The following ANKRD23 variants were observed in gnomAD, a reference collection of about 807,000 sequenced individuals.
The protein encoded by ANKRD23 is ankyrin repeat domain 23, also known as ankyrin repeat domain-containing protein 23.
ANKRD23 carries 52 observed loss-of-function variants against 38.1 expected under a neutral mutation model. That is an observed-to-expected ratio of 1.36 (90% CI 1.09 to 1.72). The LOEUF (loss-of-function observed/expected upper bound fraction) is 1.72, where lower values mean the gene tolerates loss of function less well. Ranked by LOEUF, ANKRD23 falls within the 40% of genes most tolerant of loss-of-function variation. The probability of loss-of-function intolerance (pLI) is 0.00; values close to 1 mark genes in which losing one functional copy is unlikely to be tolerated. For synonymous variants in ANKRD23, 167 were observed against 162.9 expected, an observed-to-expected ratio of 1.03 and a Z score of -0.19; for missense variants, 416 against 400.2, an observed-to-expected ratio of 1.04 and a Z score of -0.34.
chr2:96,840,327 C>CCAGCTGCAAAACAAAAGCACCCAAGCACT lies in ANKRD23; in HGVS notation c.526-26_528dup (p.Asp177SerfsTer70). ...CAGGCCCAGAACACAGGTGTCCTGT[C>CCAGCTGCAAAACAAAAGCACCCAAGCACT]CAGCTGCAAAACAAAAGCACCCAAG... On this transcript the variant is annotated frameshift_variant, in exon 6 of 9. Transcript: ENST00000318357. LOFTEE classifies it high-confidence loss of function. 6.2e-7 allele frequency: 1 copy of CCAGCTGCAAAACAAAAGCACCCAAGCACT among 1,606,466 alleles called. No individual in the cohort carries two copies. The highest frequency in any genetic ancestry group is 8.5e-7 in the Non-Finnish European group (1 of 1,176,000).
rs1425342505 is a variant in ANKRD23, at chr2:96,839,556, C to T, written c.911G>A (p.Arg304Gln). Residue 304 changes from arginine (R) to glutamine (Q), a missense_variant, in exon 9 of 9, where the codon CGG becomes CAG. By Grantham distance (43) the Arg-to-Gln change is conservative (BLOSUM62 1). Coordinates refer to ENST00000318357, the MANE Select transcript of ANKRD23 (RefSeq NM_144994.8). Reference sequence around the variant, plus strand: ...CGGGGGGCGGTGCTGCGGTCAGCACCGGGTGCGGGGATGCGCCACGTGGGC... The same window carrying T: ...CGGGGGGCGGTGCTGCGGTCAGCACTGGGTGCGGGGATGCGCCACGTGGGC... ...LQAHVAHPRT[R>Q]C 1 of 1,455,942 alleles carries T rather than the reference C, an allele frequency of 6.9e-7. No individual in the cohort carries two copies. The highest frequency in any genetic ancestry group is 2.5e-5 in the East Asian group (1 of 40,674). The allele number at this position is 1,455,942 out of a possible 1,614,324, so 90.2% of individuals were successfully genotyped here.
rs766760232 is a variant in ANKRD23 at position 96,839,618 on chromosome 2, A to T, written c.849T>A (p.Ala283=). 6.7e-7 allele frequency: 1 copy of T among 1,499,346 alleles called. No individual in the cohort carries two copies. The highest frequency in any genetic ancestry group is 8.9e-7 in the Non-Finnish European group (1 of 1,123,806). 92.9% of individuals were successfully genotyped at this position (1,499,346 alleles called of 1,614,324 possible). A position where few individuals can be genotyped will look rare whatever the true frequency, so the allele number is the denominator to read the frequency against. ...CCCGGATGCCGCGCTGCCAGTCTCG[A>T]GCCAGCTGCACCGGGGTCACGGAGG... The part of the protein sequence containing the change: ...NAASVTPVQL[A]RDWQRGIREA... Residue 283 remains alanine, a synonymous_variant, in exon 9 of 9, where the codon GCT becomes GCA. Transcript: ENST00000318357.
intron 3 of ANKRD23, among the ~76,000 whole-genome samples, chr2:96,841,564 T>A (rs1186402069): frequency 2.4e-5 from 3 of 126,558 alleles, no homozygotes; most frequent in Admixed American, 1.0e-4. Flanking sequence ...GTGCCACTGC[T>A]CTCCAGCCTG....
At chr2:96,843,163 G>A (rs773193077) in intron 1 of ANKRD23, among the ~76,000 whole-genome samples, 7 of 152,158 alleles carry the variant, frequency 4.6e-5, no homozygotes, top group Non-Finnish European at 1.0e-4. Flanking sequence ...AGCCTGTTGT[G>A]GGGAAAGAAC....
Position 96,838,496 on chromosome 2 carries a change from C to A in ANKRD23, c.*1053G>T. On this transcript the variant is annotated 3_prime_UTR_variant, in exon 9 of 9. Coordinates refer to ENST00000318357, the MANE Select transcript of ANKRD23 (RefSeq NM_144994.8). ...GAAGGGCTGGGGGGCGGCGGGGGCT[C>A]ACCTTCCTCTGCTTCCCTGTGGGCT... The A allele has an allele frequency of 1.0e-6, 1 of 986,246 alleles. No individual in the cohort carries two copies. Among genetic ancestry groups the A allele is most frequent in the Non-Finnish European group, 1.2e-6 (1 of 830,208 alleles). The allele number at this position is 986,246 out of a possible 1,614,324, so 61.1% of individuals were successfully genotyped here. A position where few individuals can be genotyped will look rare whatever the true frequency, so the allele number is the denominator to read the frequency against.
rs369796952 is a variant in ANKRD23 at position 96,839,861 on chromosome 2, G to A, written c.724-36C>T. 1.5e-3 allele frequency: 2,326 copies of A among 1,590,774 alleles called. 7 individuals carry two copies. The highest frequency in any genetic ancestry group is 1.8e-3 in the South Asian group (155 of 88,180). On this transcript the variant is annotated intron_variant, in intron 7 of 8. Transcript: ENST00000318357. ...CGCAGGCAGTCAAGCTTCTGCCTCC[G>A]CGTGCTGCCCTCCTCATGCAGGAAG... is the stretch of plus-strand genomic sequence containing the variant.
In ANKRD23 at chr2:96,838,367, A is replaced by G. The variant is rs540556085; in HGVS notation, c.*1182T>C. ...TGGCGTTTAGGGGCCCAGCCCCACC[A>G]GCAGTACAGGCCTACACCAGTGTAA... On this transcript the variant is annotated 3_prime_UTR_variant, in exon 9 of 9. Transcript: ENST00000318357. 77 of 988,170 alleles carry G rather than the reference A, an allele frequency of 7.8e-5. No homozygotes were observed. Among genetic ancestry groups the G allele is most frequent in the Non-Finnish European group, 6.0e-6 (5 of 830,192 alleles). The allele number at this position is 988,170 out of a possible 1,614,324, so 61.2% of individuals were successfully genotyped here.
chr2:96,840,175 A>G, intron 6 of ANKRD23, 57 bp downstream of exon 6: 1 of 1,570,280 alleles, frequency 6.4e-7, no homozygotes, highest in Non-Finnish European at 8.6e-7. Context: ...TCTCTTCTCC[A>G]GGAACAGCGT....
chr2:96,842,197 GACAAGACCATGCCAGCCATC>G lies in ANKRD23; in HGVS notation c.175-32_175-13del. The G allele has an allele frequency of 6.2e-7, 1 of 1,613,966 alleles. No individual in the cohort carries two copies. The highest frequency in any genetic ancestry group is 8.5e-7 in the Non-Finnish European group (1 of 1,180,034). ...TTAAATCTTTCAAGCTGGGGCAGAAGACAAGACCATGCCAGCCATCAGCCGCTGGTCAAGAGATCTCTCTG... is the reference window on the plus strand; with the variant it reads ...TTAAATCTTTCAAGCTGGGGCAGAAGAGCCGCTGGTCAAGAGATCTCTCTG... On this transcript the variant is annotated splice_polypyrimidine_tract_variant and intron_variant, in intron 2 of 8. Transcript: ENST00000318357.
At chr2:96,840,720 G>A in intron 4 of ANKRD23, 67 bp downstream of exon 4, 1 of 1,603,428 alleles carries the variant, frequency 6.2e-7, no homozygotes, top group East Asian at 2.2e-5. Flanking sequence ...GCCAGGACTT[G>A]AACACACTGA....
Position 96,839,118 on chromosome 2 carries a change from C to G in ANKRD23, c.*431G>C. On this transcript the variant is annotated 3_prime_UTR_variant, in exon 9 of 9. Coordinates refer to ENST00000318357, the MANE Select transcript of ANKRD23 (RefSeq NM_144994.8). ...ATCTGCCGGCCACGGGCTGAGTCCC[C>G]ACACACACAGACTGGCCCTGGAGAG... The G allele has an allele frequency of 1.0e-6, 1 of 993,908 alleles. No individual in the cohort carries two copies. Among genetic ancestry groups the G allele is most frequent in the Non-Finnish European group, 1.2e-6 (1 of 836,384 alleles). 61.6% of individuals were successfully genotyped at this position (993,908 alleles called of 1,614,324 possible). A position where few individuals can be genotyped will look rare whatever the true frequency, so the allele number is the denominator to read the frequency against.
In ANKRD23 at chr2:96,838,486, G is replaced by A. The variant is rs1317037794; in HGVS notation, c.*1063C>T. 1.4e-5 allele frequency: 14 copies of A among 986,196 alleles called. No homozygotes were observed. Among genetic ancestry groups the A allele is most frequent in the Admixed American group, 6.1e-5 (1 of 16,270 alleles). The allele number at this position is 986,196 out of a possible 1,614,324, so 61.1% of individuals were successfully genotyped here. On this transcript the variant is annotated 3_prime_UTR_variant, in exon 9 of 9. Transcript: ENST00000318357. ...GAAGGGATGGGAAGGGCTGGGGGGC[G>A]GCGGGGGCTCACCTTCCTCTGCTTC...
chr2:96,842,599 T>C lies in ANKRD23; in HGVS notation c.28-88A>G, dbSNP rs1008247501. 3.3e-5 allele frequency: 48 copies of C among 1,474,198 alleles called. 1 individual carries two copies. Among genetic ancestry groups the C allele is most frequent in the South Asian group, 5.5e-5 (4 of 73,300 alleles). 91.3% of individuals were successfully genotyped at this position (1,474,198 alleles called of 1,614,324 possible). A position where few individuals can be genotyped will look rare whatever the true frequency, so the allele number is the denominator to read the frequency against. ...TGTGGAGTAGCAGGGAGCTGTCTTA[T>C]AAGGGCAGATGTCACAAGGCTGGTG... On this transcript the variant is annotated intron_variant, in intron 1 of 8. Transcript: ENST00000318357.
At position 96,840,216 on chromosome 2, in the gene ANKRD23, G is replaced by A. The variant is rs748395148; in HGVS notation, c.624+16C>T. The A allele has an allele frequency of 8.1e-6, 13 of 1,604,974 alleles. No individual in the cohort carries two copies. The East Asian group carries it at 2.5e-4, about 30-fold the overall frequency. On this transcript the variant is annotated intron_variant, in intron 6 of 8. Coordinates refer to ENST00000318357, the MANE Select transcript of ANKRD23 (RefSeq NM_144994.8). ...CCCGTGTTCCCGACAGGCCCCCAAA[G>A]CACCGTGCCCCTCACCTTGTCCCGG...
In ANKRD23 at chr2:96,838,910, C is replaced by T; in HGVS notation, c.*639G>A. 1 of 985,556 alleles carries T rather than the reference C, an allele frequency of 1.0e-6. No homozygotes were observed. Among genetic ancestry groups the T allele is most frequent in the Non-Finnish European group, 1.2e-6 (1 of 830,028 alleles). 61.1% of individuals were successfully genotyped at this position (985,556 alleles called of 1,614,324 possible). A position where few individuals can be genotyped will look rare whatever the true frequency, so the allele number is the denominator to read the frequency against. Reference sequence around the variant, plus strand: ...CTGTTGAGTAGCCACCTCAGATGACCAGAACCCACCTCCAGAGTTCCTATG... The same window carrying T: ...CTGTTGAGTAGCCACCTCAGATGACTAGAACCCACCTCCAGAGTTCCTATG... On this transcript the variant is annotated 3_prime_UTR_variant, in exon 9 of 9. Coordinates refer to ENST00000318357, the MANE Select transcript of ANKRD23 (RefSeq NM_144994.8).
chr2:96,842,061 T>C lies in ANKRD23; in HGVS notation c.299A>G (p.Lys100Arg), dbSNP rs551667739. 1.4e-5 allele frequency: 22 copies of C among 1,613,972 alleles called. No individual in the cohort carries two copies. In the South Asian group the frequency reaches 2.2e-4, roughly 16 times the overall value. ...VPPRKPEPLV[K>R]PQSQAQVEPV... ...CCCTAACCCCGACCTCCCACTCACCTTAACCAGGGGCTCAGGTTTCCTGGG... is the reference window on the plus strand; with the variant it reads ...CCCTAACCCCGACCTCCCACTCACCCTAACCAGGGGCTCAGGTTTCCTGGG... Residue 100 changes from lysine (K) to arginine (R), a missense_variant and splice_region_variant, in exon 3 of 9, where the codon AAG becomes AGG. By Grantham distance (26) the Lys-to-Arg change is conservative (BLOSUM62 2). Transcript: ENST00000318357.
intron 3 of ANKRD23, among the ~76,000 whole-genome samples, chr2:96,841,643 GACACAGGCATGC>G (rs1291058617): frequency 6.6e-6 from 1 of 150,490 alleles, no homozygotes; most frequent in Non-Finnish European, 1.5e-5. Context: ...GAGACACATG[GACACAGGCATGC>G]ACACAGGCAG....
In ANKRD23 at chr2:96,838,384, C is replaced by G; in HGVS notation, c.*1165G>C. The stretch of plus-strand genomic sequence containing the variant: ...GCCCCACCAGCAGTACAGGCCTACA[C>G]CAGTGTAATTTGAAACGTACAGACG... On this transcript the variant is annotated 3_prime_UTR_variant, in exon 9 of 9. Transcript: ENST00000318357. 1.0e-6 allele frequency: 1 copy of G among 988,144 alleles called. No homozygotes were observed. The highest frequency in any genetic ancestry group is 4.7e-5 in the South Asian group (1 of 21,384). 61.2% of individuals were successfully genotyped at this position (988,144 alleles called of 1,614,324 possible).
chr2:96,840,799 A>C lies in ANKRD23; in HGVS notation c.414T>G (p.Asn138Lys). The part of the protein sequence containing the change: ...DKYLTDGGDP[N>K]AHDKLHRTAL... ...CAACCTGTGCTACCTTGTCATGGGC[A>C]TTGGGGTCCCCTCCGTCTGTCAAGT... Residue 138 changes from asparagine to lysine, a missense_variant, in exon 4 of 9, where the codon AAT becomes AAG. Asn to Lys is a moderately conservative substitution (Grantham distance 94). Coordinates refer to ENST00000318357, the MANE Select transcript of ANKRD23 (RefSeq NM_144994.8). 6.2e-7 allele frequency: 1 copy of C among 1,614,142 alleles called. No individual in the cohort carries two copies.
Sources: gnomAD v4.1 joint callset for allele counts (sites outside exome capture counted in the v4.1 genomes callset) on GRCh38, gnomAD v4.1.1 for gene constraint, MANE v1.5 for transcripts, NCBI Gene and HGNC (gene_info 2026-07-23, HGNC 2026-07-21) for gene names.